Variants in USP32 observed in about 807,000 individuals in gnomAD.
USP32 encodes the protein ubiquitin carboxyl-terminal hydrolase 32.
Under a neutral mutation model 204.8 loss-of-function variants are expected in USP32, and 59 were observed. That is an observed-to-expected ratio of 0.29 (90% CI 0.23 to 0.36). USP32 has a LOEUF of 0.36. USP32 is among the 10% of genes least tolerant of loss of function. USP32 has a pLI of 1.00. For synonymous variants in USP32, 517 were observed against 678.4 expected (o/e 0.76, Z 3.70); for missense variants, 1,160 against 1,946.4 (o/e 0.60, Z 7.60).
At chr17:60,307,385 G>A (rs1409933227) in intron 2 of USP32, among the ~76,000 whole-genome samples, 1 of 152,128 alleles carries the variant, frequency 6.6e-6, no homozygotes, top group African/African-American at 2.4e-5. Context: ...ACAGGCGTGA[G>A]CCACCACACC....
At chr17:60,416,387 G>C (rs759067659) in intron 1 of USP32, among the ~76,000 whole-genome samples, 2 of 152,100 alleles carry the variant, frequency 1.3e-5, no homozygotes, top group African/African-American at 4.8e-5. Flanking sequence ...TGAAACAGGC[G>C]TATGCCATCA....
At chr17:60,232,871 T>C (rs1206414624) in intron 12 of USP32, among the ~76,000 whole-genome samples, 1 of 152,134 alleles carries the variant, frequency 6.6e-6, no homozygotes, top group Non-Finnish European at 1.5e-5. Context: ...TAAATCCTCA[T>C]ATAACTACTG....
intron 1 of USP32, among the ~76,000 whole-genome samples, chr17:60,359,023 A>G (rs1042229101): frequency 2.0e-5 from 3 of 152,176 alleles, no homozygotes; most frequent in African/African-American, 7.2e-5. Flanking sequence ...CTCATTCCCT[A>G]ACCACATTAT....
chr17:60,421,656 C>T, intron 1 of USP32: 1 of 934,624 alleles, frequency 1.1e-6, no homozygotes, highest in Middle Eastern at 5.5e-4. Context: ...CGAGGGGGCG[C>T]TGCTGCCGCG....
At chr17:60,402,234 T>C (rs2143025069) in intron 1 of USP32, among the ~76,000 whole-genome samples, 1 of 148,430 alleles carries the variant, frequency 6.7e-6, no homozygotes, top group South Asian at 2.1e-4. Context: ...CAATATTCCA[T>C]CCCTCATTTA....
At chr17:60,319,965 G>A (rs1030878851) in intron 2 of USP32, among the ~76,000 whole-genome samples, 1 of 151,966 alleles carries the variant, frequency 6.6e-6, no homozygotes, top group African/African-American at 2.4e-5. Context: ...TGGTATCCTG[G>A]TGGGCCTAGA....
At chr17:60,385,329 G>C (rs1329682705) in intron 1 of USP32, among the ~76,000 whole-genome samples, 1 of 152,138 alleles carries the variant, frequency 6.6e-6, no homozygotes, top group East Asian at 1.9e-4. Flanking sequence ...CAGCCCGCCT[G>C]CACCCAGGTG....
chr17:60,346,141 C>T (rs1438414719), intron 1 of USP32, among the ~76,000 whole-genome samples: 1 of 151,410 alleles, frequency 6.6e-6, no homozygotes, highest in East Asian at 1.9e-4. Context: ...AGATGGGTCT[C>T]GCCATGTTGC....
At chr17:60,349,682 CAT>C (rs1180010864) in intron 1 of USP32, among the ~76,000 whole-genome samples, 341 of 123,728 alleles carry the variant, frequency 2.8e-3, no homozygotes, top group Middle Eastern at 4.9e-3. Flanking sequence ...TATATACACA[CAT>C]ATATATATAT....
At position 60,178,499 on chromosome 17, in the gene USP32, T is replaced by G. The variant is rs1177054698; in HGVS notation, c.*756A>C. ...TATCCTAAATGTAAGATGCCTCCAC[T>G]GGGAGGGCCATGGTAGCTGGATTTC... On this transcript the variant is annotated 3_prime_UTR_variant, in exon 34 of 34. Coordinates refer to ENST00000300896, the MANE Select transcript of USP32 (RefSeq NM_032582.4). Among the ~76,000 whole-genome samples, 1 of 152,200 alleles carries G rather than the reference T, an allele frequency of 6.6e-6. No individual in the cohort carries two copies. Among genetic ancestry groups the G allele is most frequent in the Admixed American group, 6.5e-5 (1 of 15,280 alleles).
chr17:60,236,808 C>G (rs1057106745), intron 11 of USP32, among the ~76,000 whole-genome samples: 1 of 152,144 alleles, frequency 6.6e-6, no homozygotes, highest in Non-Finnish European at 1.5e-5. Context: ...ACAGATTTGT[C>G]TTTTCTCAAC....
intron 1 of USP32, among the ~76,000 whole-genome samples, chr17:60,363,155 TA>T (rs896107148): frequency 6.7e-4 from 101 of 151,252 alleles, no homozygotes; most frequent in African/African-American, 2.2e-3. Context: ...TTTTTTAAAT[TA>T]AAAAAAAATT....
chr17:60,387,390 C>T (rs939045685), intron 1 of USP32, among the ~76,000 whole-genome samples: 14 of 152,186 alleles, frequency 9.2e-5, no homozygotes, highest in African/African-American at 3.4e-4. Context: ...TCCTTTAACA[C>T]TCAATTATTG....
intron 8 of USP32, 143 bp from the exon 9 acceptor site, chr17:60,265,617 C>A: frequency 1.6e-6 from 1 of 622,492 alleles, no homozygotes; most frequent in Non-Finnish European, 2.7e-6. Context: ...AGGATTATCT[C>A]AAACTCCTGG....
intron 1 of USP32, among the ~76,000 whole-genome samples, chr17:60,389,344 C>T (rs982423665): frequency 1.3e-5 from 2 of 151,900 alleles, no homozygotes; most frequent in African/African-American, 2.4e-5. Flanking sequence ...GAGTTTGAGA[C>T]CATCCTGGCT....
At chr17:60,202,882 G>A (rs34103940) in intron 26 of USP32, among the ~76,000 whole-genome samples, 16,107 of 132,834 alleles carry the variant, frequency 0.12, 3,112 homozygotes, top group African/African-American at 0.46. Context: ...ATCCTGGATT[G>A]TCTGGGTGGG....
intron 5 of USP32, among the ~76,000 whole-genome samples, chr17:60,280,359 A>T (rs927932622): frequency 1.2e-4 from 19 of 152,242 alleles, no homozygotes; most frequent in Admixed American, 9.8e-4. Context: ...AGCCTCCCAA[A>T]GTGGTGGGAT....
chr17:60,225,916 T>TGC lies in USP32; in HGVS notation c.1432+121_1432+122dup, dbSNP rs2085371830. On this transcript the variant is annotated intron_variant, in intron 13 of 33. Transcript: ENST00000300896. ...TTGCAGTGAGCAGAGATCGCGCCAC[T>TGC]GCGCTCCAGCCTGGGCAAAATGTGA... 7 of 1,078,034 alleles carry TGC rather than the reference T, an allele frequency of 6.5e-6. 1 individual carries two copies. In the South Asian group the frequency reaches 1.2e-4, roughly 18 times the overall value. 66.8% of individuals were successfully genotyped at this position (1,078,034 alleles called of 1,614,324 possible).
chr17:60,206,013 G>A (rs1356978023), intron 25 of USP32, among the ~76,000 whole-genome samples: 6 of 152,128 alleles, frequency 3.9e-5, no homozygotes, highest in Non-Finnish European at 8.8e-5. Context: ...CCTCTACCCA[G>A]ATGTTGCATT....
Sources: gnomAD v4.1 joint callset for allele counts (sites outside exome capture counted in the v4.1 genomes callset) on GRCh38, gnomAD v4.1.1 for gene constraint, MANE v1.5 for transcripts, NCBI Gene and HGNC (gene_info 2026-07-23, HGNC 2026-07-21) for gene names.